The following TNS1 variants were observed in gnomAD, a reference collection of about 807,000 sequenced individuals.
TNS1 encodes tensin 1.
In TNS1, 62 loss-of-function variants were observed where a neutral mutation model predicts 168.6. The ratio of observed to expected loss-of-function variants is 0.37; its 90% confidence interval spans 0.30 to 0.45. The LOEUF is 0.45. Among genes scored for constraint, TNS1 ranks in the 20% least tolerant of loss-of-function variants. The pLI, the probability that TNS1 is intolerant of heterozygous loss-of-function variation, is 1.00. For synonymous variants in TNS1, 934 were observed against 933.2 expected, an observed-to-expected ratio of 1.00 and a Z score of -0.02; for missense variants, 2,240 against 2,339.4, an observed-to-expected ratio of 0.96 and a Z score of 0.88.
intron 3 of TNS1, among the ~76,000 whole-genome samples, chr2:217,942,413 A>G (rs933225455): frequency 6.6e-6 from 1 of 151,626 alleles, no homozygotes; most frequent in African/African-American, 2.4e-5. Flanking sequence ...TCTCCCCCCA[A>G]CCTCTCCATC....
At chr2:217,845,428 C>A (rs1231572696) in intron 19 of TNS1, among the ~76,000 whole-genome samples, 1 of 152,198 alleles carries the variant, frequency 6.6e-6, no homozygotes, top group Non-Finnish European at 1.5e-5. Flanking sequence ...CTGCAGATAC[C>A]CTGAAAGGCT....
intron 19 of TNS1, among the ~76,000 whole-genome samples, chr2:217,838,782 A>C (rs1284346363): frequency 6.6e-6 from 1 of 152,214 alleles, no homozygotes; most frequent in Non-Finnish European, 1.5e-5. Flanking sequence ...GGCGTGGCAG[A>C]GGGGAGAGAA....
In TNS1 at chr2:217,836,158, G is replaced by A. The variant is rs201163809; in HGVS notation, c.3061C>T (p.Arg1021Trp). The A allele has an allele frequency of 8.1e-5, 130 of 1,613,822 alleles. No individual in the cohort carries two copies. The highest frequency in any genetic ancestry group is 7.6e-4 in the African/African-American group (57 of 75,016). ...TCATACTGTCCATCACTGGCCGCCC[G>A]CCTCCGCAGAGGGGCTGGGGGCTCT... ...PAEPPAPLRR[R>W]AASDGQYENQ... Residue 1021 changes from arginine to tryptophan, a missense_variant, in exon 20 of 33, where the codon CGG becomes TGG. Arg to Trp is a moderately radical substitution (Grantham distance 101). Coordinates refer to ENST00000682258, the MANE Select transcript of TNS1 (RefSeq NM_001387777.1).
chr2:217,851,508 C>A (rs1947489993), intron 18 of TNS1, among the ~76,000 whole-genome samples: 1 of 151,964 alleles, frequency 6.6e-6, no homozygotes, highest in African/African-American at 2.4e-5. Context: ...ATTTACTGAC[C>A]TCTCCAGATC....
intron 3 of TNS1, among the ~76,000 whole-genome samples, chr2:217,934,812 G>A (rs535938917): frequency 6.6e-6 from 1 of 152,218 alleles, no homozygotes; most frequent in Admixed American, 6.5e-5. Context: ...TGCCTGAAGA[G>A]CCAACAGGAT....
chr2:218,031,106 ATGAG>A (rs1958890237), intron 1 of TNS1, among the ~76,000 whole-genome samples: 1 of 106,664 alleles, frequency 9.4e-6, no homozygotes, highest in Non-Finnish European at 1.7e-5. Context: ...GTCTGTGTGT[ATGAG>A]TGTGTGTGAG....
rs762451639 is a variant in TNS1, at chr2:217,847,730, C to T, written c.2787G>A (p.Gly929=). Residue 929 remains glycine (G), a synonymous_variant, in exon 19 of 33, where the codon GGG becomes GGA. Transcript: ENST00000682258. ...TCTTTGAATGGAAATCCTGGTTAGG[C>T]CCAGCCAAACATGGCTGATAGTCAT... The part of the protein sequence containing the change: ...SPYDYQPCLA[G]PNQDFHSKSP... 6.2e-7 allele frequency: 1 copy of T among 1,607,814 alleles called. No individual in the cohort carries two copies. The highest frequency in any genetic ancestry group is 2.2e-5 in the East Asian group (1 of 44,678).
At chr2:217,841,892 A>C (rs1186619407) in intron 19 of TNS1, among the ~76,000 whole-genome samples, 1 of 152,130 alleles carries the variant, frequency 6.6e-6, no homozygotes, top group Admixed American at 6.5e-5. Flanking sequence ...TCATCACCAG[A>C]AAAGTCCTTA....
chr2:217,965,871 T>C (rs1957613923), intron 3 of TNS1, among the ~76,000 whole-genome samples: 1 of 152,026 alleles, frequency 6.6e-6, no homozygotes, highest in South Asian at 2.1e-4. Context: ...AACTGGACCT[T>C]CTGCCCTCCC....
chr2:218,015,479 G>A (rs1382987020), intron 1 of TNS1, among the ~76,000 whole-genome samples: 1 of 152,156 alleles, frequency 6.6e-6, no homozygotes, highest in Non-Finnish European at 1.5e-5. Context: ...CTGACAGGCA[G>A]GAAGTTCCTG....
intron 1 of TNS1, among the ~76,000 whole-genome samples, chr2:217,999,494 T>C (rs1958524581): frequency 6.6e-6 from 1 of 152,218 alleles, no homozygotes; most frequent in African/African-American, 2.4e-5. Flanking sequence ...CTACACTTCC[T>C]TTCAACACTG....
upstream of TNS1, among the ~76,000 whole-genome samples, chr2:218,014,468 C>T (rs1958738444): frequency 6.6e-6 from 1 of 152,144 alleles, no homozygotes; most frequent in South Asian, 2.1e-4. Flanking sequence ...GGGTGAACTG[C>T]CCAACCATAT....
At chr2:217,810,879 ATT>A (rs5838670) in intron 28 of TNS1, among the ~76,000 whole-genome samples, 7 of 144,558 alleles carry the variant, frequency 4.8e-5, no homozygotes, top group African/African-American at 7.7e-5. Context: ...ATGGTACATA[ATT>A]TTTTTTTTTT....
At chr2:217,925,862 G>T (rs1369908509) in intron 3 of TNS1, among the ~76,000 whole-genome samples, 5 of 151,868 alleles carry the variant, frequency 3.3e-5, no homozygotes, top group Non-Finnish European at 5.9e-5. Flanking sequence ...CCTATTCTAG[G>T]TACCTCCTAT....
At chr2:217,898,690 G>C (rs1051636567) in intron 7 of TNS1, among the ~76,000 whole-genome samples, 9 of 152,232 alleles carry the variant, frequency 5.9e-5, no homozygotes, top group African/African-American at 2.2e-4. Flanking sequence ...CAGAAAACAA[G>C]AGGGCACAGA....
upstream of TNS1, among the ~76,000 whole-genome samples, chr2:218,013,782 G>T (rs778480312): frequency 6.6e-6 from 1 of 152,098 alleles, no homozygotes; most frequent in Non-Finnish European, 1.5e-5. Flanking sequence ...TGGAGGAGGA[G>T]GAATGACTTC....
In TNS1 at chr2:218,008,236, C is replaced by T. The variant is rs533160816; in HGVS notation, c.96+1864G>A. ...TACTCCACAATCTTGATCTCTTCCC[C>T]AGCTCTAATTTCCTGCCTGACTCAG... On this transcript the variant is annotated intron_variant, in intron 1 of 32. Coordinates refer to the TNS1 transcript ENST00000646520. 3.3e-5 allele frequency among the ~76,000 whole-genome samples: 5 copies of T among 152,320 alleles called. No homozygotes were observed. In the South Asian group the frequency reaches 1.0e-3, roughly 32 times the overall value.
intron 8 of TNS1, among the ~76,000 whole-genome samples, chr2:217,895,484 G>A (rs776962195): frequency 1.8e-4 from 27 of 152,150 alleles, no homozygotes; most frequent in Admixed American, 1.2e-3. Flanking sequence ...CTCCAGTTCC[G>A]CTTGCCTCTC....
At chr2:217,975,351 A>G (rs1292178382) in intron 3 of TNS1, among the ~76,000 whole-genome samples, 2 of 152,118 alleles carry the variant, frequency 1.3e-5, no homozygotes, top group African/African-American at 4.8e-5. Flanking sequence ...TTATGAGATA[A>G]TAAGTGTTTG....
Sources: allele counts gnomAD v4.1 joint callset (sites outside exome capture counted in the v4.1 genomes callset), GRCh38; gene constraint gnomAD v4.1.1; transcripts MANE v1.5; gene names NCBI Gene and HGNC (gene_info 2026-07-23, HGNC 2026-07-21).